Variants in DPH6 observed in about 807,000 individuals in gnomAD.
DPH6 encodes the protein diphthine--ammonia ligase.
In DPH6, 33 loss-of-function variants were observed where a neutral mutation model predicts 38.2. The observed-to-expected ratio is 0.86, with a 90% CI of 0.65 to 1.15. DPH6 has a LOEUF of 1.15. Ranked by LOEUF, DPH6 falls within the 50% of genes most tolerant of loss-of-function variation. DPH6 has a pLI of 0.00. For missense variants in DPH6, 325 were observed against 320.0 expected (o/e 1.02, Z -0.12); for synonymous variants, 108 against 103.0 (o/e 1.05, Z -0.30).
intron 3 of DPH6, among the ~76,000 whole-genome samples, chr15:35,508,081 G>C (rs1484720319): frequency 6.6e-6 from 1 of 152,066 alleles, no homozygotes. Flanking sequence ...CTCGGCAGGA[G>C]GACTGTGCAG....
At chr15:35,445,992 C>G (rs182246040) in intron 5 of DPH6, among the ~76,000 whole-genome samples, 1 of 152,022 alleles carries the variant, frequency 6.6e-6, no homozygotes, top group East Asian at 1.9e-4. Flanking sequence ...CTGTAAACCT[C>G]GAGTAACAAC....
intron 5 of DPH6, among the ~76,000 whole-genome samples, chr15:35,431,739 A>T (rs993541965): frequency 4.0e-5 from 6 of 151,538 alleles, no homozygotes; most frequent in Non-Finnish European, 7.4e-5. Flanking sequence ...TTATCATAAA[A>T]AGCAGAGAGT....
At chr15:35,335,995 T>G (rs922162689) in intron 3 of DPH6, among the ~76,000 whole-genome samples, 1 of 152,238 alleles carries the variant, frequency 6.6e-6, no homozygotes, top group African/African-American at 2.4e-5. Flanking sequence ...GTTCATGATA[T>G]TGATTCTTCC....
intron 5 of DPH6, among the ~76,000 whole-genome samples, chr15:35,413,365 CTAATAA>C (rs557001900): frequency 6.6e-6 from 1 of 151,392 alleles, no homozygotes; most frequent in African/African-American, 2.4e-5. Flanking sequence ...CCATCAGTTT[CTAATAA>C]TAAGATTAAA....
chr15:35,522,043 T>C (rs762833732), intron 3 of DPH6: 5 of 1,584,426 alleles, frequency 3.2e-6, no homozygotes, highest in Non-Finnish European at 4.3e-6. Context: ...TTAGTATGTC[T>C]AAGTTTTTAA....
chr15:35,187,513 C>T, the DPH6 span, among the ~76,000 whole-genome samples: 2 of 152,206 alleles, frequency 1.3e-5, no homozygotes, highest in African/African-American at 2.4e-5. Flanking sequence ...ATTGTTTAAA[C>T]TTTACTAGTG....
chr15:35,525,372 T>C (rs899561371), intron 3 of DPH6, among the ~76,000 whole-genome samples: 2 of 152,092 alleles, frequency 1.3e-5, no homozygotes, highest in African/African-American at 4.8e-5. Flanking sequence ...TCCCTTCTCT[T>C]TTAGATCTTA....
chr15:35,526,494 T>C (rs1476766466), intron 3 of DPH6, among the ~76,000 whole-genome samples: 1 of 152,198 alleles, frequency 6.6e-6, no homozygotes, highest in Non-Finnish European at 1.5e-5. Context: ...AGTGACCACG[T>C]GGCTCAGCAC....
At chr15:35,431,466 G>A (rs968901994) in intron 5 of DPH6, among the ~76,000 whole-genome samples, 1 of 152,092 alleles carries the variant, frequency 6.6e-6, no homozygotes, top group African/African-American at 2.4e-5. Flanking sequence ...TTTTGACTTT[G>A]AGTCCAGTAC....
chr15:35,234,066 G>A (rs532750408), intron 3 of DPH6, among the ~76,000 whole-genome samples: 2 of 152,214 alleles, frequency 1.3e-5, no homozygotes, highest in South Asian at 4.1e-4. Context: ...GTTCACCATT[G>A]TACTTCCAAT....
chr15:35,332,529 T>G (rs1380940274), intron 3 of DPH6, among the ~76,000 whole-genome samples: 1 of 152,152 alleles, frequency 6.6e-6, no homozygotes, highest in Non-Finnish European at 1.5e-5. Context: ...TTGTCTTAAT[T>G]GTACTTTTTA....
chr15:35,542,315 C>T lies in DPH6; in HGVS notation c.118+98G>A, dbSNP rs1001811396. ...AATGGGTGCTTAATATTTATTGGTT[C>T]TTTTTTTTTCATCTTTGTACGGTAT... On this transcript the variant is annotated intron_variant, in intron 2 of 8. Coordinates refer to ENST00000256538, the MANE Select transcript of DPH6 (RefSeq NM_080650.4). 65 of 973,908 alleles carry T rather than the reference C, an allele frequency of 6.7e-5. 3 individuals are homozygous for T. The highest frequency in any genetic ancestry group is 6.6e-4 in the South Asian group (30 of 45,740). 60.3% of individuals were successfully genotyped at this position (973,908 alleles called of 1,614,324 possible).
intron 3 of DPH6, among the ~76,000 whole-genome samples, chr15:35,363,391 C>T (rs2052629922): frequency 6.6e-6 from 1 of 152,074 alleles, no homozygotes; most frequent in Non-Finnish European, 1.5e-5. Context: ...GTGTACTTTA[C>T]AATAATGCTT....
intron 5 of DPH6, among the ~76,000 whole-genome samples, chr15:35,446,229 CTTTTTT>C (rs71123132): frequency 1.1e-5 from 1 of 95,026 alleles, no homozygotes; most frequent in Non-Finnish European, 2.1e-5. Context: ...TTTTTTTTTC[CTTTTTT>C]TTTTTTTTTT....
At chr15:35,469,031 T>C (rs990900382) in intron 3 of DPH6, among the ~76,000 whole-genome samples, 5 of 151,506 alleles carry the variant, frequency 3.3e-5, no homozygotes, top group African/African-American at 1.2e-4. Flanking sequence ...CCCAACACCA[T>C]TGCACTCCAG....
chr15:35,289,642 A>C lies in DPH6; in HGVS notation n.201-69060T>G, dbSNP rs540564629. On this transcript the variant is annotated intron_variant and non_coding_transcript_variant, in intron 3 of 3. Transcript: ENST00000560386. ...AAATCTCAGAGACATTTTCAGAAAA[A>C]GAGGTAAATATCTTGAACATTTCTA... Among the ~76,000 whole-genome samples, 3 of 152,358 alleles carry C rather than the reference A, an allele frequency of 2.0e-5. No homozygotes were observed. In the East Asian group the frequency reaches 5.8e-4, roughly 29 times the overall value.
the DPH6 span, among the ~76,000 whole-genome samples, chr15:35,172,157 C>T: frequency 2.5e-4 from 38 of 152,266 alleles, no homozygotes; most frequent in African/African-American, 5.3e-4. Flanking sequence ...TGAGCCACCA[C>T]GCCCAGCCTA....
chr15:35,434,803 C>T (rs1344297989), intron 5 of DPH6, among the ~76,000 whole-genome samples: 1 of 152,160 alleles, frequency 6.6e-6, no homozygotes, highest in Non-Finnish European at 1.5e-5. Flanking sequence ...GACAGAGTCT[C>T]ACTCTTGTCG....
At position 35,237,531 on chromosome 15, in the gene DPH6, T is replaced by C. The variant is rs1191658551; in HGVS notation, n.201-16949A>G. On this transcript the variant is annotated intron_variant and non_coding_transcript_variant, in intron 3 of 3. Coordinates refer to the DPH6 transcript ENST00000560386. ...CCGAAGTTAAACAAACTTAAGAAGCTTGAACTAAGCGATAACAGAGTCTCG... is the reference window on the plus strand; with the variant it reads ...CCGAAGTTAAACAAACTTAAGAAGCCTGAACTAAGCGATAACAGAGTCTCG... 1.9e-6 allele frequency: 3 copies of C among 1,553,724 alleles called. No homozygotes were observed. The East Asian group carries it at 6.7e-5, about 35-fold the overall frequency.
Sources: gnomAD v4.1 joint callset for allele counts (sites outside exome capture counted in the v4.1 genomes callset) on GRCh38, gnomAD v4.1.1 for gene constraint, MANE v1.5 for transcripts, NCBI Gene and HGNC (gene_info 2026-07-23, HGNC 2026-07-21) for gene names.